The following EPB41 variants were observed in gnomAD, a reference collection of about 807,000 sequenced individuals.
EPB41 encodes erythrocyte membrane protein band 4.1, also known as protein 4.1.
A neutral mutation model predicts 108.0 loss-of-function variants in EPB41; 65 were observed. The observed-to-expected ratio is 0.60, with a 90% CI of 0.49 to 0.74. EPB41 has a LOEUF of 0.74. Among genes scored for constraint, EPB41 ranks in the 30% least tolerant of loss-of-function variants. The pLI is 0.00. For synonymous variants in EPB41, 336 were observed against 358.9 expected, an observed-to-expected ratio of 0.94 and a Z score of 0.72; for missense variants, 875 against 1,037.0, an observed-to-expected ratio of 0.84 and a Z score of 2.15.
chr1:29,052,780 T>C (rs1035913448), intron 11 of EPB41, among the ~76,000 whole-genome samples: 5 of 152,192 alleles, frequency 3.3e-5, no homozygotes, highest in Admixed American at 6.5e-5. Flanking sequence ...ATAGACAACA[T>C]TGCAGGTTTT....
At chr1:29,056,953 T>C (rs1161369320) in intron 12 of EPB41, among the ~76,000 whole-genome samples, 5 of 152,210 alleles carry the variant, frequency 3.3e-5, no homozygotes, top group African/African-American at 1.2e-4. Flanking sequence ...AATTTAACAC[T>C]ATTGTTTGCT....
intron 15 of EPB41, among the ~76,000 whole-genome samples, chr1:29,061,436 T>A (rs2150951083): frequency 6.6e-6 from 1 of 151,964 alleles, no homozygotes; most frequent in East Asian, 1.9e-4. Context: ...GTCTGGCTAA[T>A]TTTTTTGTAT....
intron 16 of EPB41, among the ~76,000 whole-genome samples, chr1:29,081,711 G>A (rs35729515): frequency 0.22 from 32,963 of 151,588 alleles, 4,063 homozygotes; most frequent in Non-Finnish European, 0.29. Flanking sequence ...GGCACATGCC[G>A]GTAATCCCAG....
intron 11 of EPB41, among the ~76,000 whole-genome samples, chr1:29,051,088 G>GTTTTTT (rs71586885): frequency 1.2e-4 from 6 of 51,576 alleles, no homozygotes; most frequent in Non-Finnish European, 1.6e-4. Context: ...TTCTTTTTCT[G>GTTTTTT]TTTTTTTTTT....
intron 1 of EPB41, among the ~76,000 whole-genome samples, chr1:28,966,088 C>T (rs894355007): frequency 1.3e-5 from 2 of 151,420 alleles, no homozygotes; most frequent in East Asian, 3.9e-4. Flanking sequence ...GAGGCTGAGG[C>T]AGGAGAATCA....
chr1:29,076,333 A>G (rs565607683), intron 16 of EPB41, among the ~76,000 whole-genome samples: 1 of 152,328 alleles, frequency 6.6e-6, no homozygotes, highest in Admixed American at 6.5e-5. Flanking sequence ...TCTCTCTCCA[A>G]AAAATTTTGA....
intron 4 of EPB41, among the ~76,000 whole-genome samples, chr1:29,008,191 A>G (rs2096440387): frequency 1.3e-5 from 2 of 152,114 alleles, no homozygotes; most frequent in South Asian, 4.1e-4. Flanking sequence ...ATTATTCTTT[A>G]CCACTATACC....
chr1:28,920,258 A>G (rs777231274), intron 1 of EPB41, among the ~76,000 whole-genome samples: 1 of 152,204 alleles, frequency 6.6e-6, no homozygotes, highest in Non-Finnish European at 1.5e-5. Context: ...CTGTTATCTA[A>G]TATCTATTAA....
intron 4 of EPB41, among the ~76,000 whole-genome samples, chr1:29,008,972 T>C (rs1421614088): frequency 6.6e-6 from 1 of 152,182 alleles, no homozygotes; most frequent in Non-Finnish European, 1.5e-5. Context: ...TTCTAAACCA[T>C]TTTGGTGCAT....
chr1:28,948,960 T>G (rs980753688), intron 1 of EPB41, among the ~76,000 whole-genome samples: 3 of 151,954 alleles, frequency 2.0e-5, no homozygotes, highest in African/African-American at 7.3e-5. Flanking sequence ...AAAAAAAGAA[T>G]CTATGAAACA....
At chr1:28,888,328 G>A (rs1001269642) in intron 1 of EPB41, among the ~76,000 whole-genome samples, 4 of 152,244 alleles carry the variant, frequency 2.6e-5, no homozygotes, top group African/African-American at 9.6e-5. Flanking sequence ...AGGGGCTGGG[G>A]AGGGGCCAGA....
intron 1 of EPB41, among the ~76,000 whole-genome samples, chr1:28,929,767 C>G (rs1003083310): frequency 6.7e-6 from 1 of 150,266 alleles, no homozygotes; most frequent in Non-Finnish European, 1.5e-5. Context: ...CTCCTGACCT[C>G]AGATGATCTG....
At chr1:29,066,826 G>A (rs535592026) in intron 16 of EPB41, among the ~76,000 whole-genome samples, 6 of 151,366 alleles carry the variant, frequency 4.0e-5, no homozygotes, top group East Asian at 2.0e-4. Context: ...GGCGCCTGCC[G>A]CCACGCCCAG....
chr1:29,077,686 C>T (rs1654669682), intron 16 of EPB41, among the ~76,000 whole-genome samples: 1 of 151,990 alleles, frequency 6.6e-6, no homozygotes, highest in African/African-American at 2.4e-5. Flanking sequence ...CTGTAAAGTG[C>T]CAAATAATAA....
intron 11 of EPB41, among the ~76,000 whole-genome samples, chr1:29,040,581 A>G (rs771301698): frequency 6.6e-6 from 1 of 151,940 alleles, no homozygotes; most frequent in Non-Finnish European, 1.5e-5. Flanking sequence ...ATGCCCAGCC[A>G]TACAAGAATA....
intron 1 of EPB41, among the ~76,000 whole-genome samples, chr1:28,932,021 A>G (rs1161959358): frequency 2.0e-5 from 3 of 152,332 alleles, no homozygotes; most frequent in South Asian, 4.1e-4. Flanking sequence ...TGCCTAGTCT[A>G]TATTTTAAGC....
At chr1:29,053,049 A>C (rs1644795935) in intron 11 of EPB41, 55 bp from the exon 12 acceptor site, 1 of 1,591,424 alleles carries the variant, frequency 6.3e-7, no homozygotes, top group African/African-American at 1.3e-5. Flanking sequence ...TGACTTTGAA[A>C]TAATACAGTA....
chr1:29,079,683 G>A (rs1283445125), intron 16 of EPB41, among the ~76,000 whole-genome samples: 1 of 152,072 alleles, frequency 6.6e-6, no homozygotes, highest in Admixed American at 6.5e-5. Flanking sequence ...CGCACCCAGC[G>A]AGAAATCTGT....
At chr1:28,955,199 G>A (rs1405309539) in intron 1 of EPB41, among the ~76,000 whole-genome samples, 1 of 152,160 alleles carries the variant, frequency 6.6e-6, no homozygotes. Context: ...ATGGGTATTT[G>A]TACAAGAACT....
Sources: gnomAD v4.1 joint callset for allele counts (sites outside exome capture counted in the v4.1 genomes callset) on GRCh38, gnomAD v4.1.1 for gene constraint, MANE v1.5 for transcripts, NCBI Gene and HGNC (gene_info 2026-07-23, HGNC 2026-07-21) for gene names.